Variants in CPLANE1 observed in about 807,000 individuals in gnomAD.
The protein encoded by CPLANE1 is ciliogenesis and planar polarity effector complex subunit 1.
A neutral mutation model predicts 362.5 loss-of-function variants in CPLANE1; 263 were observed. That is an observed-to-expected ratio of 0.73 (90% CI 0.66 to 0.80). The LOEUF is 0.80. Among genes scored for constraint, CPLANE1 ranks in the 30% least tolerant of loss-of-function variants. CPLANE1 has a pLI of 0.00. For synonymous variants in CPLANE1, 1,212 were observed against 1,302.6 expected (o/e 0.93, Z 1.50); for missense variants, 3,461 against 3,793.4 (o/e 0.91, Z 2.30).
intron 34 of CPLANE1, 34 bp from the exon 35 acceptor site, chr5:37,167,247 A>T: frequency 2.0e-6 from 3 of 1,528,658 alleles, no homozygotes; most frequent in Non-Finnish European, 2.7e-6. Flanking sequence ...AGAATGACAA[A>T]TTGCAAACTC....
chr5:37,242,913 G>T, intron 6 of CPLANE1, 100 bp downstream of exon 6: 1 of 717,476 alleles, frequency 1.4e-6, no homozygotes, highest in South Asian at 1.9e-5. Flanking sequence ...GCTGAGCTAT[G>T]ATTGTGCCAC....
intron 43 of CPLANE1, among the ~76,000 whole-genome samples, chr5:37,145,413 T>C (rs1458306832): frequency 6.6e-6 from 1 of 152,204 alleles, no homozygotes; most frequent in Non-Finnish European, 1.5e-5. Flanking sequence ...ATATTCACCT[T>C]AATTTAAAAT....
In CPLANE1 at chr5:37,205,359, A is replaced by G. The variant is rs943993886; in HGVS notation, c.3245T>C (p.Leu1082Ser). Residue 1082 changes from leucine to serine, a missense_variant, in exon 18 of 53, where the codon TTG (leucine) becomes TCG (serine). By Grantham distance (145) the Leu-to-Ser change is moderately radical. Coordinates refer to ENST00000651892, the MANE Select transcript of CPLANE1 (RefSeq NM_001384732.1). ...TGAGCCCATTTCATTTTTTGCTTCC[A>G]AAGAGGCTGGTTGACCTAAAACACA... ...LQCVLGQPAS[L>S]EAKNEMGSKY... 34 of 1,550,892 alleles carry G rather than the reference A, an allele frequency of 2.2e-5. No homozygotes were observed. The highest frequency in any genetic ancestry group is 5.9e-5 in the Admixed American group (3 of 50,912).
At chr5:37,102,595 C>A (rs1361653373), downstream of CPLANE1, among the ~76,000 whole-genome samples, 1 of 152,164 alleles carries the variant, frequency 6.6e-6, no homozygotes, top group Non-Finnish European at 1.5e-5. Context: ...CCCAGAGATT[C>A]TGGTACATTG....
chr5:37,138,619 A>G lies in CPLANE1; in HGVS notation c.8792+101T>C. The G allele has an allele frequency of 2.3e-6, 3 of 1,280,932 alleles. No homozygotes were observed. The South Asian group carries it at 3.9e-5, about 17-fold the overall frequency. The allele number at this position is 1,280,932 out of a possible 1,614,324, so 79.3% of individuals were successfully genotyped here. A position where few individuals can be genotyped will look rare whatever the true frequency, so the allele number is the denominator to read the frequency against. On this transcript the variant is annotated intron_variant, in intron 46 of 52. Transcript: ENST00000651892. The stretch of plus-strand genomic sequence containing the variant: ...GAAAAAAAAATCTATTCTAAGCTTC[A>G]GATTTGTTTCATAAAAATCACATTA...
intron 46 of CPLANE1, among the ~76,000 whole-genome samples, chr5:37,135,315 T>C (rs1767333307): frequency 6.6e-6 from 1 of 152,138 alleles, no homozygotes; most frequent in East Asian, 1.9e-4. Flanking sequence ...GATCTGAAAG[T>C]ATGGTTGGTA....
the CPLANE1 span, among the ~76,000 whole-genome samples, chr5:37,089,024 G>C: frequency 9.2e-5 from 14 of 152,026 alleles, no homozygotes; most frequent in Admixed American, 7.2e-4. Flanking sequence ...AAAGGAAAGG[G>C]GGAAGGGAAG....
In CPLANE1 at chr5:37,245,152, G is replaced by GA. The variant is rs574766229; in HGVS notation, c.337+326dup. ...GAGCGAGACTCCGTCTCAAAAAAAA[G>GA]AAAAAAAAAAGTACAAAAATAGCAA... On this transcript the variant is annotated intron_variant, in intron 4 of 52. Transcript: ENST00000651892. Among the ~76,000 whole-genome samples, 135 of 137,968 alleles carry GA rather than the reference G, an allele frequency of 9.8e-4. 3 individuals are homozygous for GA. In the South Asian group the frequency reaches 0.024, roughly 24 times the overall value. 90.5% of individuals were successfully genotyped at this position (137,968 alleles called of 152,430 possible).
the CPLANE1 span, chr5:37,085,106 T>C: frequency 2.1e-4 from 159 of 742,350 alleles, 1 homozygote; most frequent in Admixed American, 1.7e-3. Context: ...CTCCAAAGCA[T>C]TGGATGCTGG....
intron 44 of CPLANE1, 131 bp downstream of exon 44, chr5:37,142,179 T>G: frequency 7.8e-7 from 1 of 1,283,216 alleles, no homozygotes; most frequent in Non-Finnish European, 9.9e-7. Context: ...GTTTTAACTT[T>G]CCTTCCCCTA....
At chr5:37,205,861 G>A (rs1026879376) in intron 17 of CPLANE1, among the ~76,000 whole-genome samples, 17 of 152,160 alleles carry the variant, frequency 1.1e-4, no homozygotes, top group African/African-American at 1.4e-4. Context: ...CCACAGGCAC[G>A]ATCATCGCCC....
chr5:37,108,472 C>A lies in CPLANE1; in HGVS notation c.9401-1G>T, dbSNP rs1439120946. On this transcript the variant is annotated splice_acceptor_variant, in intron 51 of 52. Transcript: ENST00000651892. LOFTEE classifies it high-confidence loss of function. ...AGACTATGACACGGAGCATTAGAGC[C>A]TTTTAAGGGATAAGAACAAAGCACA... The A allele has an allele frequency of 6.2e-7, 1 of 1,610,590 alleles. No homozygotes were observed.
At position 37,239,616 on chromosome 5, in the gene CPLANE1, A is replaced by T. The variant is rs1308357906; in HGVS notation, c.834+97T>A. On this transcript the variant is annotated intron_variant, in intron 7 of 52. Coordinates refer to ENST00000651892, the MANE Select transcript of CPLANE1 (RefSeq NM_001384732.1). Reference sequence around the variant, plus strand: ...AAAAAAAAAACCAGAAAGAAAAAAAAAATGGATATAAAGGAGTATTTAGAA... The same window carrying T: ...AAAAAAAAAACCAGAAAGAAAAAAATAATGGATATAAAGGAGTATTTAGAA... The T allele has an allele frequency of 1.4e-5, 12 of 865,360 alleles. No homozygotes were observed. The East Asian group carries it at 3.9e-4, about 28-fold the overall frequency. 53.6% of individuals were successfully genotyped at this position (865,360 alleles called of 1,614,324 possible). A position where few individuals can be genotyped will look rare whatever the true frequency, so the allele number is the denominator to read the frequency against.
chr5:37,145,019 T>C (rs1269267418), intron 43 of CPLANE1, among the ~76,000 whole-genome samples: 1 of 151,138 alleles, frequency 6.6e-6, no homozygotes, highest in Non-Finnish European at 1.5e-5. Flanking sequence ...AAAACAGTTA[T>C]CAGAGGCCGG....
intron 9 of CPLANE1, among the ~76,000 whole-genome samples, chr5:37,229,650 TTC>T (rs1305789125): frequency 3.9e-5 from 6 of 152,218 alleles, no homozygotes; most frequent in Non-Finnish European, 8.8e-5. Flanking sequence ...TTTCCAACTT[TTC>T]TGTCTTGTAA....
chr5:37,196,783 G>T (rs1261532568), intron 20 of CPLANE1, among the ~76,000 whole-genome samples: 1 of 152,064 alleles, frequency 6.6e-6, no homozygotes, highest in African/African-American at 2.4e-5. Flanking sequence ...AAATTAGTTG[G>T]GCGAGGTGGC....
At chr5:37,157,958 A>AAAAAT in intron 39 of CPLANE1, 90 bp from the exon 40 acceptor site, 5 of 762,522 alleles carry the variant, frequency 6.6e-6, no homozygotes, top group Non-Finnish European at 9.7e-6. Context: ...AAAAAAAAAA[A>AAAAAT]GGCTTAATTC....
chr5:37,097,758 G>A, the CPLANE1 span, among the ~76,000 whole-genome samples: 5 of 152,172 alleles, frequency 3.3e-5, no homozygotes, highest in East Asian at 9.6e-4. Context: ...ACCCAGCCAA[G>A]GAATCTTTCA....
chr5:37,185,758 A>C (rs1437421505), intron 24 of CPLANE1, among the ~76,000 whole-genome samples: 1 of 152,220 alleles, frequency 6.6e-6, no homozygotes, highest in Non-Finnish European at 1.5e-5. Context: ...AATGTACTTA[A>C]TGTCAATGAA....
Sources: gnomAD v4.1 joint callset for allele counts (sites outside exome capture counted in the v4.1 genomes callset) on GRCh38, gnomAD v4.1.1 for gene constraint, MANE v1.5 for transcripts, NCBI Gene and HGNC (gene_info 2026-07-23, HGNC 2026-07-21) for gene names.